The following SGCD variants were observed in gnomAD, a reference collection of about 807,000 sequenced individuals.
The protein encoded by SGCD is delta-sarcoglycan.
In SGCD, 18 loss-of-function variants were observed where a neutral mutation model predicts 36.6. The ratio of observed to expected loss-of-function variants is 0.49; its 90% CI spans 0.34 to 0.73. The LOEUF (loss-of-function observed/expected upper bound fraction) is 0.73. SGCD is among the 30% of genes least tolerant of loss of function. The probability of loss-of-function intolerance (pLI) is 0.01; values close to 1 mark genes in which losing one functional copy is unlikely to be tolerated. For missense variants in SGCD, 387 were observed against 346.7 expected, an observed-to-expected ratio of 1.12 and a Z score of -0.92; for synonymous variants, 133 against 130.6, an observed-to-expected ratio of 1.02 and a Z score of -0.12.
the SGCD span, among the ~76,000 whole-genome samples, chr5:155,794,533 A>G: frequency 6.6e-6 from 1 of 152,024 alleles, no homozygotes; most frequent in Non-Finnish European, 1.5e-5. Context: ...AATATAACAC[A>G]TTAATTATTC....
the SGCD span, among the ~76,000 whole-genome samples, chr5:155,749,474 A>G: frequency 1.1e-4 from 16 of 152,310 alleles, no homozygotes; most frequent in Non-Finnish European, 2.1e-4. Flanking sequence ...TCAAGCATTT[A>G]TTGTTATTGG....
chr5:156,218,303 A>AGACATG (rs1286092256), intron 3 of SGCD, among the ~76,000 whole-genome samples: 1 of 152,172 alleles, frequency 6.6e-6, no homozygotes, highest in East Asian at 1.9e-4. Context: ...TTGTCTTTCA[A>AGACATG]ACAACATGAA....
intron 7 of SGCD, among the ~76,000 whole-genome samples, chr5:156,753,562 C>T (rs890248638): frequency 4.6e-5 from 7 of 152,070 alleles, no homozygotes; most frequent in African/African-American, 1.4e-4. Flanking sequence ...AAGAACTGCC[C>T]GAGGCTGGGT....
the SGCD span, among the ~76,000 whole-genome samples, chr5:155,786,731 C>T: frequency 2.6e-5 from 4 of 152,240 alleles, no homozygotes; most frequent in East Asian, 3.9e-4. Flanking sequence ...TAAGCTTAAG[C>T]GTTCCTTAAT....
intron 1 of SGCD, among the ~76,000 whole-genome samples, chr5:155,901,300 G>A (rs1051325842): frequency 2.1e-5 from 3 of 144,526 alleles, no homozygotes; most frequent in Admixed American, 7.2e-5. Context: ...CAACAAGAGC[G>A]AAACTCCATC....
the SGCD span, among the ~76,000 whole-genome samples, chr5:155,831,353 C>A: frequency 1.3e-5 from 2 of 152,304 alleles, no homozygotes; most frequent in Non-Finnish European, 2.9e-5. Flanking sequence ...GTACAATGCA[C>A]ACAATATGAA....
chr5:155,790,158 G>T, the SGCD span, among the ~76,000 whole-genome samples: 2 of 151,984 alleles, frequency 1.3e-5, no homozygotes, highest in Non-Finnish European at 2.9e-5. Flanking sequence ...TTAGAATTAA[G>T]AGGAAATTTT....
the SGCD span, among the ~76,000 whole-genome samples, chr5:155,825,505 G>A: frequency 1.3e-5 from 2 of 152,200 alleles, no homozygotes; most frequent in African/African-American, 4.8e-5. Context: ...GGATTAGACT[G>A]TGTGCTCCTT....
the SGCD span, among the ~76,000 whole-genome samples, chr5:155,864,479 A>G: frequency 2.6e-5 from 4 of 151,962 alleles, no homozygotes; most frequent in Admixed American, 2.6e-4. Flanking sequence ...AAGAGATGGT[A>G]TTGGCCTGGA....
At chr5:156,020,652 T>C (rs1266371819) in intron 1 of SGCD, among the ~76,000 whole-genome samples, 2 of 152,226 alleles carry the variant, frequency 1.3e-5, no homozygotes, top group Non-Finnish European at 2.9e-5. Context: ...GTATTTATAA[T>C]GGTGTCTTTA....
At chr5:156,112,760 G>A (rs1186061281) in intron 1 of SGCD, among the ~76,000 whole-genome samples, 1 of 152,238 alleles carries the variant, frequency 6.6e-6, no homozygotes, top group Admixed American at 6.5e-5. Context: ...CTAAGGTTTG[G>A]GTGATTCATC....
Position 156,531,906 on chromosome 5 carries a change from C to T in SGCD, c.294+23204C>T, listed in dbSNP as rs569182629. 1.6e-4 allele frequency among the ~76,000 whole-genome samples: 25 copies of T among 152,032 alleles called. 1 individual carries two copies. The highest frequency in any genetic ancestry group is 4.6e-4 in the African/African-American group (19 of 41,480). On this transcript the variant is annotated intron_variant, in intron 4 of 8. Coordinates refer to ENST00000337851, the MANE Select transcript of SGCD (RefSeq NM_000337.6). Reference sequence around the variant, plus strand: ...GGCAGATCACCTGAGGTTAAGAGTTCGAGACCAGCCTGGCCAACATGGTGA... The same window carrying T: ...GGCAGATCACCTGAGGTTAAGAGTTTGAGACCAGCCTGGCCAACATGGTGA...
chr5:155,728,737 G>A, the SGCD span, among the ~76,000 whole-genome samples: 1 of 151,972 alleles, frequency 6.6e-6, no homozygotes, highest in Admixed American at 6.5e-5. Flanking sequence ...TCCGCCCCCA[G>A]AGCCGCCAAC....
At chr5:156,490,911 C>T (rs929389611) in intron 3 of SGCD, among the ~76,000 whole-genome samples, 1 of 152,042 alleles carries the variant, frequency 6.6e-6, no homozygotes, top group South Asian at 2.1e-4. Flanking sequence ...AAGAGGAACT[C>T]AAATTGTCCC....
intron 1 of SGCD, among the ~76,000 whole-genome samples, chr5:155,975,004 C>T (rs1333353213): frequency 1.3e-5 from 2 of 152,176 alleles, no homozygotes; most frequent in Non-Finnish European, 2.9e-5. Flanking sequence ...ACTCCTCCTT[C>T]CCATAGTTTC....
intron 1 of SGCD, among the ~76,000 whole-genome samples, chr5:155,980,356 C>A (rs370588386): frequency 6.6e-6 from 1 of 151,640 alleles, no homozygotes; most frequent in Non-Finnish European, 1.5e-5. Flanking sequence ...TAGGCCTAGG[C>A]GGGCGGATCA....
chr5:156,139,646 G>A (rs928048489), intron 3 of SGCD, among the ~76,000 whole-genome samples: 1 of 152,142 alleles, frequency 6.6e-6, no homozygotes, highest in African/African-American at 2.4e-5. Context: ...AGTTTGGGCA[G>A]GAGCACATTC....
chr5:156,220,847 T>C (rs17053350), intron 3 of SGCD, among the ~76,000 whole-genome samples: 30,018 of 152,118 alleles, frequency 0.2, 4,044 homozygotes, highest in East Asian at 0.62. Context: ...TTTAACTGAA[T>C]TTAATACTTG....
chr5:155,831,922 T>C, the SGCD span, among the ~76,000 whole-genome samples: 115 of 152,316 alleles, frequency 7.6e-4, no homozygotes, highest in African/African-American at 2.6e-3. Context: ...CTTGTGGTAT[T>C]TACCAAAGCC....
Sources: gnomAD v4.1 joint callset for allele counts (sites outside exome capture counted in the v4.1 genomes callset) on GRCh38, gnomAD v4.1.1 for gene constraint, MANE v1.5 for transcripts, NCBI Gene and HGNC (gene_info 2026-07-23, HGNC 2026-07-21) for gene names.